GALNT17: variants seen among roughly 807,000 people sequenced by gnomAD.
GALNT17 encodes the protein UDP-GalNAc:polypeptide N-acetylgalactosaminyltransferase-like 3.
In GALNT17, 29 loss-of-function variants were observed where a neutral mutation model predicts 63.7. The observed-to-expected ratio is 0.46, with a 90% CI of 0.34 to 0.62. GALNT17 has a LOEUF of 0.62. Among genes scored for constraint, GALNT17 ranks in the 20% least tolerant of loss-of-function variants. GALNT17 has a pLI of 0.01. For synonymous variants in GALNT17, 305 were observed against 318.3 expected (o/e 0.96, Z 0.45); for missense variants, 603 against 799.6 (o/e 0.75, Z 2.97).
At chr7:71,492,324 G>T (rs1352470466) in intron 5 of GALNT17, among the ~76,000 whole-genome samples, 4 of 152,106 alleles carry the variant, frequency 2.6e-5, no homozygotes, top group African/African-American at 9.7e-5. Flanking sequence ...TAAAATGGAG[G>T]CATGATTTGG....
intron 5 of GALNT17, among the ~76,000 whole-genome samples, chr7:71,552,332 G>T (rs2116833544): frequency 6.6e-6 from 1 of 151,868 alleles, no homozygotes; most frequent in South Asian, 2.1e-4. Flanking sequence ...GGCGTGAGCT[G>T]CTGTGCCTGG....
intron 1 of GALNT17, among the ~76,000 whole-genome samples, chr7:71,330,100 T>C (rs769667630): frequency 5.3e-5 from 8 of 150,070 alleles, no homozygotes; most frequent in Admixed American, 1.3e-4. Flanking sequence ...GCAGCCTCCA[T>C]CTCCCAGGTT....
At chr7:71,292,661 G>A (rs4719100) in intron 1 of GALNT17, among the ~76,000 whole-genome samples, 6 of 117,018 alleles carry the variant, frequency 5.1e-5, no homozygotes, top group Middle Eastern at 4.2e-3. Context: ...GACAGAGAGA[G>A]AGAGAGAGTG....
chr7:71,435,388 C>G (rs1173081068), intron 5 of GALNT17, among the ~76,000 whole-genome samples: 3 of 152,154 alleles, frequency 2.0e-5, no homozygotes, highest in African/African-American at 2.4e-5. Context: ...AAACAAACCT[C>G]CTCTTGCCTG....
At chr7:71,657,944 A>G (rs1246540214) in intron 6 of GALNT17, among the ~76,000 whole-genome samples, 1 of 151,972 alleles carries the variant, frequency 6.6e-6, no homozygotes, top group African/African-American at 2.4e-5. Flanking sequence ...TTGCTCTGTC[A>G]TCCAGGCTGG....
intron 1 of GALNT17, among the ~76,000 whole-genome samples, chr7:71,182,788 T>C (rs1270957666): frequency 6.6e-6 from 1 of 152,110 alleles, no homozygotes; most frequent in Non-Finnish European, 1.5e-5. Flanking sequence ...TACGTTATGC[T>C]CATTTGCTAA....
intron 2 of GALNT17, among the ~76,000 whole-genome samples, chr7:71,368,303 G>C (rs576170800): frequency 7.2e-5 from 11 of 152,332 alleles, no homozygotes; most frequent in African/African-American, 1.7e-4. Context: ...GTACACTGCT[G>C]TCTTCTTTTC....
intron 6 of GALNT17, among the ~76,000 whole-genome samples, chr7:71,578,441 C>G (rs1452135910): frequency 6.6e-6 from 1 of 152,166 alleles, no homozygotes; most frequent in Non-Finnish European, 1.5e-5. Flanking sequence ...TCAGGTGATC[C>G]TCCTGTCTCA....
chr7:71,453,035 A>G (rs1787292384), intron 5 of GALNT17, among the ~76,000 whole-genome samples: 1 of 152,168 alleles, frequency 6.6e-6, no homozygotes, highest in East Asian at 1.9e-4. Flanking sequence ...GTGGTTTAGT[A>G]AGTCCCAGAC....
intron 9 of GALNT17, among the ~76,000 whole-genome samples, chr7:71,710,203 A>T (rs961154821): frequency 6.6e-6 from 1 of 152,114 alleles, no homozygotes; most frequent in African/African-American, 2.4e-5. Context: ...ACATTGACTG[A>T]GGATATGCTT....
intron 5 of GALNT17, among the ~76,000 whole-genome samples, chr7:71,438,234 G>A (rs937232691): frequency 4.6e-5 from 7 of 152,306 alleles, no homozygotes; most frequent in Non-Finnish European, 1.0e-4. Flanking sequence ...GAGCAAGGAA[G>A]CCAGTCCAAG....
intron 1 of GALNT17, among the ~76,000 whole-genome samples, chr7:71,232,531 G>A (rs963894245): frequency 6.6e-6 from 1 of 152,264 alleles, no homozygotes; most frequent in South Asian, 2.1e-4. Context: ...GTGATGCAGG[G>A]CAGGTGAGCC....
intron 6 of GALNT17, among the ~76,000 whole-genome samples, chr7:71,616,189 G>T (rs949627811): frequency 6.6e-6 from 1 of 152,020 alleles, no homozygotes; most frequent in Non-Finnish European, 1.5e-5. Context: ...CAAGACTGGG[G>T]CTCTTACTAG....
intron 1 of GALNT17, among the ~76,000 whole-genome samples, chr7:71,191,178 A>G (rs1397180961): frequency 6.6e-6 from 1 of 152,186 alleles, no homozygotes; most frequent in Non-Finnish European, 1.5e-5. Flanking sequence ...CAATTTCATC[A>G]TCTCAGAAAT....
intron 5 of GALNT17, among the ~76,000 whole-genome samples, chr7:71,554,447 A>T (rs1789129798): frequency 6.6e-6 from 1 of 152,094 alleles, no homozygotes; most frequent in Non-Finnish European, 1.5e-5. Context: ...TTTCCTTTAT[A>T]ACTTACCCAG....
chr7:71,646,429 G>A (rs1315739192), intron 6 of GALNT17, among the ~76,000 whole-genome samples: 1 of 152,128 alleles, frequency 6.6e-6, no homozygotes, highest in Non-Finnish European at 1.5e-5. Context: ...ACCTTCCTCT[G>A]GGACTCAGCG....
At chr7:71,584,640 A>G (rs866632669) in intron 6 of GALNT17, among the ~76,000 whole-genome samples, 6 of 152,330 alleles carry the variant, frequency 3.9e-5, no homozygotes, top group Middle Eastern at 3.4e-3. Context: ...TATTTTCTCA[A>G]AAAAATTTGT....
chr7:71,649,063 A>G (rs1255732120), intron 6 of GALNT17, among the ~76,000 whole-genome samples: 3 of 152,002 alleles, frequency 2.0e-5, no homozygotes, highest in African/African-American at 4.8e-5. Flanking sequence ...TGCCCCCATT[A>G]CCCAGCTGTC....
At chr7:71,292,662 A>AGTGT (rs1274230622) in intron 1 of GALNT17, among the ~76,000 whole-genome samples, 2 of 117,712 alleles carry the variant, frequency 1.7e-5, no homozygotes, top group African/African-American at 7.9e-5. Context: ...ACAGAGAGAG[A>AGTGT]GAGAGAGTGT....
Sources: allele counts gnomAD v4.1 joint callset (sites outside exome capture counted in the v4.1 genomes callset), GRCh38; gene constraint gnomAD v4.1.1; transcripts MANE v1.5; gene names NCBI Gene and HGNC (gene_info 2026-07-23, HGNC 2026-07-21).